AGAP1: variants seen among roughly 807,000 people sequenced by gnomAD.
AGAP1 encodes the protein ArfGAP with GTPase domain, ankyrin repeat and PH domain 1, also known as arf-GAP with GTPase, ANK repeat and PH domain-containing protein 1.
A neutral mutation model predicts 105.3 loss-of-function variants in AGAP1; 29 were observed. The ratio of observed to expected loss-of-function variants is 0.28; its 90% confidence interval spans 0.21 to 0.38. AGAP1 has a LOEUF of 0.38. Among genes scored for constraint, AGAP1 ranks in the 10% least tolerant of loss-of-function variants. The probability of loss-of-function intolerance (pLI) is 1.00; values close to 1 mark genes in which losing one functional copy is unlikely to be tolerated. For synonymous variants in AGAP1, 509 were observed against 485.9 expected (o/e 1.05, Z -0.63); for missense variants, 998 against 1,165.1 (o/e 0.86, Z 2.09).
chr2:235,798,138 G>A (rs1008401230), intron 7 of AGAP1, among the ~76,000 whole-genome samples: 1 of 152,170 alleles, frequency 6.6e-6, no homozygotes, highest in Non-Finnish European at 1.5e-5. Flanking sequence ...GATGGGAGGT[G>A]TGTGCTGCAG....
intron 13 of AGAP1, among the ~76,000 whole-genome samples, chr2:236,028,030 C>T (rs569142632): frequency 1.3e-4 from 20 of 152,254 alleles, no homozygotes; most frequent in African/African-American, 4.1e-4. Context: ...GCACGGGACT[C>T]CCCCTCAAGA....
At chr2:236,103,789 G>A (rs199690864) in intron 16 of AGAP1, among the ~76,000 whole-genome samples, 22 of 151,896 alleles carry the variant, frequency 1.4e-4, no homozygotes, top group African/African-American at 3.9e-4. Context: ...GGCTGGTCTC[G>A]AACTCCTGAC....
At position 236,009,366 on chromosome 2, in the gene AGAP1, G is replaced by T. The variant is rs924433185; in HGVS notation, c.1646-27195G>T. ...GTGACACAAAACCACAGCAGAATCCGCTCACACCTGCCGAGGTTCCTGGGG... is the reference window on the plus strand; with the variant it reads ...GTGACACAAAACCACAGCAGAATCCTCTCACACCTGCCGAGGTTCCTGGGG... On this transcript the variant is annotated intron_variant, in intron 13 of 17. Transcript: ENST00000304032. The surrounding 1 kb of genome is among the most constrained non-coding windows in gnomAD (Gnocchi z 4.2). Among the ~76,000 whole-genome samples the T allele has an allele frequency of 2.6e-5, 4 of 152,040 alleles. No homozygotes were observed. The highest frequency in any genetic ancestry group is 9.7e-5 in the African/African-American group (4 of 41,318).
rs2052745524 is a variant in AGAP1 at position 235,931,991 on chromosome 2, CT to C, written c.1483+1071del. On this transcript the variant is annotated intron_variant, in intron 12 of 17. Coordinates refer to ENST00000304032, the MANE Select transcript of AGAP1 (RefSeq NM_001037131.3). The surrounding 1 kb of genome is among the most constrained non-coding windows in gnomAD (Gnocchi z 5.6). ...TTGCTCCTTCCCTCAAAAGAAGGTG[CT>C]TTGTTAGATAGCAAAGATCTGCCTG... Among the ~76,000 whole-genome samples, 1 of 152,158 alleles carries C rather than the reference CT, an allele frequency of 6.6e-6. No homozygotes were observed. Among genetic ancestry groups the C allele is most frequent in the African/African-American group, 2.4e-5 (1 of 41,436 alleles).
intron 10 of AGAP1, among the ~76,000 whole-genome samples, chr2:235,885,154 A>T (rs1301381894): frequency 1.3e-5 from 2 of 152,218 alleles, no homozygotes; most frequent in African/African-American, 4.8e-5. Flanking sequence ...TTTAGGGTGC[A>T]TACTCCCGGC....
At position 235,582,145 on chromosome 2, in the gene AGAP1, C is replaced by T. The variant is rs1183833797; in HGVS notation, c.163+87296C>T. ...TCTGCTCTATACGAGGAGCAGAGAC[C>T]CCTGGATCCTAGTGGTGGCCCCTGG... On this transcript the variant is annotated intron_variant, in intron 1 of 17. Coordinates refer to ENST00000304032, the MANE Select transcript of AGAP1 (RefSeq NM_001037131.3). This position sits in a 1 kb window ranked among gnomAD's most constrained non-coding sequence, Gnocchi z 4.7. Among the ~76,000 whole-genome samples the T allele has an allele frequency of 6.6e-6, 1 of 152,104 alleles. No homozygotes were observed. The highest frequency in any genetic ancestry group is 2.4e-5 in the African/African-American group (1 of 41,398).
chr2:236,090,700 T>C lies in AGAP1; in HGVS notation c.2115-29492T>C, dbSNP rs188214723. 6.6e-6 allele frequency among the ~76,000 whole-genome samples: 1 copy of C among 152,068 alleles called. No homozygotes were observed. The highest frequency in any genetic ancestry group is 1.5e-5 in the Non-Finnish European group (1 of 68,028). On this transcript the variant is annotated intron_variant, in intron 16 of 17. Transcript: ENST00000304032. The surrounding 1 kb of genome is among the most constrained non-coding windows in gnomAD (Gnocchi z 4.3). ...CTTGCAAACATAATCCTTCCTTGTT[T>C]TTCTTTTGTTGGTGGTGGTTGTGTT... is the stretch of plus-strand genomic sequence containing the variant.
In AGAP1 at chr2:235,614,057, A is replaced by T. The variant is rs1246343520; in HGVS notation, c.164-95122A>T. ...GTGTTTTGGCCAAATACTCAAAAGC[A>T]CTAAGTTTTCTTGCGTGGTATCTGT... On this transcript the variant is annotated intron_variant, in intron 1 of 17. Transcript: ENST00000304032. This position sits in a 1 kb window ranked among gnomAD's most constrained non-coding sequence, Gnocchi z 4.7. 6.6e-6 allele frequency among the ~76,000 whole-genome samples: 1 copy of T among 151,854 alleles called. No individual in the cohort carries two copies. The highest frequency in any genetic ancestry group is 1.5e-5 in the Non-Finnish European group (1 of 67,982).
intron 1 of AGAP1, among the ~76,000 whole-genome samples, 183 bp downstream of exon 1, chr2:235,495,032 C>T (rs1941252345): frequency 6.6e-6 from 1 of 152,136 alleles, no homozygotes; most frequent in Non-Finnish European, 1.5e-5. Flanking sequence ...CGCCCCGCCG[C>T]GCCGCGAGCT....
At chr2:235,783,018 G>A (rs1323222892) in intron 6 of AGAP1, among the ~76,000 whole-genome samples, 1 of 121,650 alleles carries the variant, frequency 8.2e-6, no homozygotes, top group East Asian at 2.9e-4. Context: ...TGATCGGCAG[G>A]AGATTGTGTG....
chr2:235,928,109 C>A (rs1304814934), intron 11 of AGAP1, among the ~76,000 whole-genome samples: 3 of 152,052 alleles, frequency 2.0e-5, no homozygotes, highest in Non-Finnish European at 4.4e-5. Context: ...CCCAATCGCA[C>A]CCCCAGCTGC....
intron 1 of AGAP1, among the ~76,000 whole-genome samples, chr2:235,538,375 G>A (rs955628954): frequency 4.0e-5 from 6 of 150,414 alleles, no homozygotes; most frequent in African/African-American, 1.5e-4. Flanking sequence ...TCAGACTGTC[G>A]GAGAATATGC....
intron 3 of AGAP1, among the ~76,000 whole-genome samples, chr2:235,731,657 A>C (rs919345453): frequency 1.3e-5 from 2 of 152,164 alleles, no homozygotes; most frequent in African/African-American, 2.4e-5. Context: ...TGGTATAGTC[A>C]TCATCGTAAT....
intron 13 of AGAP1, among the ~76,000 whole-genome samples, chr2:235,987,461 C>T (rs919823443): frequency 4.8e-5 from 7 of 145,340 alleles, no homozygotes; most frequent in South Asian, 2.2e-4. Flanking sequence ...CTACTGGATT[C>T]ATTGATTTTT....
chr2:235,610,440 C>T lies in AGAP1; in HGVS notation c.164-98739C>T, dbSNP rs1303663461. On this transcript the variant is annotated intron_variant, in intron 1 of 17. Coordinates refer to ENST00000304032, the MANE Select transcript of AGAP1 (RefSeq NM_001037131.3). The surrounding 1 kb of genome is among the most constrained non-coding windows in gnomAD (Gnocchi z 4.9). ...CTGGCATGGTTGGACTCTGGAGAGA[C>T]TCTTGTCCTGACTTCTAGATGTCTG... Among the ~76,000 whole-genome samples the T allele has an allele frequency of 6.6e-6, 1 of 152,152 alleles. No individual in the cohort carries two copies. Among genetic ancestry groups the T allele is most frequent in the Non-Finnish European group, 1.5e-5 (1 of 68,030 alleles).
chr2:235,920,380 C>T (rs1412530763), intron 11 of AGAP1, among the ~76,000 whole-genome samples: 1 of 152,232 alleles, frequency 6.6e-6, no homozygotes. Context: ...CGCTCCAGCT[C>T]ACTGTCACCT....
chr2:235,712,275 C>T lies in AGAP1; in HGVS notation c.222+3038C>T, dbSNP rs558196612. 4.6e-5 allele frequency among the ~76,000 whole-genome samples: 7 copies of T among 152,356 alleles called. No homozygotes were observed. The East Asian group carries it at 1.4e-3, about 29-fold the overall frequency. On this transcript the variant is annotated intron_variant, in intron 2 of 17. Coordinates refer to ENST00000304032, the MANE Select transcript of AGAP1 (RefSeq NM_001037131.3). The surrounding 1 kb of genome is among the most constrained non-coding windows in gnomAD (Gnocchi z 6.0). ...CCTCGTCATCCGCCTGCCTTGGCCT[C>T]CCAAAGTGCTGGGATGACAGGCCTG...
chr2:235,822,145 A>G (rs1369301709), intron 9 of AGAP1, among the ~76,000 whole-genome samples: 1 of 152,202 alleles, frequency 6.6e-6, no homozygotes, highest in East Asian at 1.9e-4. Flanking sequence ...CTTCGGGGAG[A>G]TACTTTGAGG....
In AGAP1 at chr2:235,809,783, T is replaced by C. The variant is rs1958033139; in HGVS notation, c.1050+2452T>C. On this transcript the variant is annotated intron_variant, in intron 9 of 17. Coordinates refer to ENST00000304032, the MANE Select transcript of AGAP1 (RefSeq NM_001037131.3). ...TGGTGTGATGACTTCAGTGTGGAAA[T>C]GAAATGAGAGGATTGCAGGGGATGG... 2.0e-5 allele frequency among the ~76,000 whole-genome samples: 3 copies of C among 152,132 alleles called. No homozygotes were observed. In the South Asian group the frequency reaches 6.2e-4, roughly 32 times the overall value.
Sources: allele counts gnomAD v4.1 joint callset (sites outside exome capture counted in the v4.1 genomes callset), GRCh38; gene constraint gnomAD v4.1.1; non-coding constraint Gnocchi (gnomAD v3.1); transcripts MANE v1.5; gene names NCBI Gene and HGNC (gene_info 2026-07-23, HGNC 2026-07-21).